TNFAIP8: variants seen among roughly 807,000 people sequenced by gnomAD.
The protein encoded by TNFAIP8 is tumor necrosis factor alpha-induced protein 8.
TNFAIP8 carries 7 observed loss-of-function variants against 13.3 expected under a neutral mutation model. That is an observed-to-expected ratio of 0.52 (90% CI 0.30 to 0.99). The LOEUF (loss-of-function observed/expected upper bound fraction) is 0.99, where lower values mean the gene tolerates loss of function less well. TNFAIP8 is among the 50% of genes least tolerant of loss of function. TNFAIP8 has a pLI of 0.07. For missense variants in TNFAIP8, 258 were observed against 236.9 expected (o/e 1.09, Z -0.58); for synonymous variants, 94 against 87.6 (o/e 1.07, Z -0.41).
At chr5:119,295,234 TA>T in intron 1 of TNFAIP8, among the ~76,000 whole-genome samples, 1 of 49,766 alleles carries the variant, frequency 2.0e-5, no homozygotes. Flanking sequence ...ACGTTAGACC[TA>T]TAGGTCTAAC....
intron 1 of TNFAIP8, among the ~76,000 whole-genome samples, chr5:119,384,387 G>T (rs1299626812): frequency 1.3e-5 from 2 of 152,134 alleles, no homozygotes; most frequent in African/African-American, 2.4e-5. Context: ...GGAGACTGAG[G>T]CAGGACAGTT....
In TNFAIP8 at chr5:119,397,749, C is replaced by T. The variant is rs549404277; in HGVS notation, c.*4368C>T. On this transcript the variant is annotated 3_prime_UTR_variant, in exon 2 of 2. Coordinates refer to ENST00000504771, the MANE Select transcript of TNFAIP8 (RefSeq NM_014350.4). Reference sequence around the variant, plus strand: ...GAAAACCTTTAACTACTTATAATCCCGTATAGTCACCATCACCACGAAGTA... The same window carrying T: ...GAAAACCTTTAACTACTTATAATCCTGTATAGTCACCATCACCACGAAGTA... 2.0e-5 allele frequency: 3 copies of T among 152,298 alleles called. No homozygotes were observed. Among genetic ancestry groups the T allele is most frequent in the South Asian group, 4.1e-4 (2 of 4,820 alleles). 9.4% of individuals were successfully genotyped at this position (152,298 alleles called of 1,614,324 possible).
At chr5:119,380,772 T>C (rs1752455464) in intron 1 of TNFAIP8, among the ~76,000 whole-genome samples, 1 of 152,246 alleles carries the variant, frequency 6.6e-6, no homozygotes, top group African/African-American at 2.4e-5. Context: ...GTTCAAACTT[T>C]GGTTTACAGT....
chr5:119,343,246 T>C (rs1225369553), intron 1 of TNFAIP8, among the ~76,000 whole-genome samples: 1 of 152,252 alleles, frequency 6.6e-6, no homozygotes, highest in Non-Finnish European at 1.5e-5. Context: ...CTCGGCACTC[T>C]GTTTATAAGG....
At chr5:119,292,580 C>T (rs1477970598) in intron 1 of TNFAIP8, among the ~76,000 whole-genome samples, 1 of 141,138 alleles carries the variant, frequency 7.1e-6, no homozygotes, top group African/African-American at 2.6e-5. Flanking sequence ...GAAGATTATA[C>T]ATAAGAGCCA....
At chr5:119,279,146 A>T (rs1387473185) in intron 1 of TNFAIP8, among the ~76,000 whole-genome samples, 2 of 152,214 alleles carry the variant, frequency 1.3e-5, no homozygotes, top group South Asian at 4.1e-4. Context: ...GAAAGATACT[A>T]TTGTTAAGCC....
intron 1 of TNFAIP8, among the ~76,000 whole-genome samples, chr5:119,327,243 G>A (rs1259346494): frequency 1.3e-5 from 2 of 152,152 alleles, no homozygotes; most frequent in Non-Finnish European, 2.9e-5. Flanking sequence ...GAGGCGGATG[G>A]GGGCGGATGT....
intron 1 of TNFAIP8, among the ~76,000 whole-genome samples, chr5:119,387,867 T>C (rs1273858845): frequency 7.9e-5 from 12 of 152,234 alleles, no homozygotes; most frequent in African/African-American, 2.7e-4. Context: ...AATGTGGTGG[T>C]AATGCTTTGT....
At chr5:119,337,175 A>T (rs1379197029) in intron 1 of TNFAIP8, among the ~76,000 whole-genome samples, 1 of 152,176 alleles carries the variant, frequency 6.6e-6, no homozygotes, top group Non-Finnish European at 1.5e-5. Context: ...CTCTTGCCTC[A>T]TTCTTTCCCT....
intron 1 of TNFAIP8, among the ~76,000 whole-genome samples, chr5:119,309,933 A>G (rs1010823437): frequency 6.6e-6 from 1 of 152,126 alleles, no homozygotes; most frequent in South Asian, 2.1e-4. Flanking sequence ...CTGTTTTCCC[A>G]CTGAAAATGG....
intron 1 of TNFAIP8, among the ~76,000 whole-genome samples, chr5:119,341,466 C>T (rs546776736): frequency 1.3e-5 from 2 of 152,226 alleles, no homozygotes; most frequent in African/African-American, 2.4e-5. Flanking sequence ...GGTCCCAAGG[C>T]TACCAGCTTA....
At chr5:119,387,686 T>G (rs2112855695) in intron 1 of TNFAIP8, among the ~76,000 whole-genome samples, 1 of 152,346 alleles carries the variant, frequency 6.6e-6, no homozygotes, top group African/African-American at 2.4e-5. Flanking sequence ...ATCTCTAACT[T>G]TATAATTTTG....
In TNFAIP8 at chr5:119,288,105, T is replaced by A. The variant is rs185441331; in HGVS notation, c.1+19198T>A. Among the ~76,000 whole-genome samples, 1,186 of 152,256 alleles carry A rather than the reference T, an allele frequency of 7.8e-3. 5 individuals are homozygous for A. The highest frequency in any genetic ancestry group is 0.013 in the Non-Finnish European group (853 of 68,016). ...AATGTATAAAGAAAAAACAGTAAGG[T>A]TATAGAGGTGTGTGTGAAAACATCT... On this transcript the variant is annotated intron_variant, in intron 1 of 1. Transcript: ENST00000274456.
At chr5:119,348,082 G>T (rs1581627057) in intron 1 of TNFAIP8, among the ~76,000 whole-genome samples, 1 of 152,128 alleles carries the variant, frequency 6.6e-6, no homozygotes, top group Non-Finnish European at 1.5e-5. Context: ...GTCAAGTAGG[G>T]CCCCTTACTC....
chr5:119,361,427 G>A (rs1751630963), intron 1 of TNFAIP8, among the ~76,000 whole-genome samples: 1 of 152,112 alleles, frequency 6.6e-6, no homozygotes, highest in Non-Finnish European at 1.5e-5. Flanking sequence ...TAGTTAAGCT[G>A]GTATTTATAT....
At chr5:119,334,545 G>T (rs1163719476) in intron 1 of TNFAIP8, among the ~76,000 whole-genome samples, 1 of 151,414 alleles carries the variant, frequency 6.6e-6, no homozygotes, top group African/African-American at 2.4e-5. Flanking sequence ...CTCTTGTATG[G>T]AATGTGGTCA....
intron 1 of TNFAIP8, among the ~76,000 whole-genome samples, chr5:119,376,983 C>T (rs1169370705): frequency 6.6e-6 from 1 of 152,118 alleles, no homozygotes; most frequent in Non-Finnish European, 1.5e-5. Context: ...TTCTTTTAGC[C>T]TATATTGCTG....
intron 1 of TNFAIP8, among the ~76,000 whole-genome samples, chr5:119,271,829 A>C (rs2150798187): frequency 6.6e-6 from 1 of 152,272 alleles, no homozygotes; most frequent in African/African-American, 2.4e-5. Flanking sequence ...TCCTGCATTT[A>C]ATACCAAATG....
At chr5:119,287,112 C>T (rs557938887) in intron 1 of TNFAIP8, among the ~76,000 whole-genome samples, 6 of 152,064 alleles carry the variant, frequency 3.9e-5, no homozygotes, top group Non-Finnish European at 7.4e-5. Context: ...CAGATGCTGC[C>T]TCCTCCAGGA....
Sources: allele counts gnomAD v4.1 joint callset (sites outside exome capture counted in the v4.1 genomes callset), GRCh38; gene constraint gnomAD v4.1.1; transcripts MANE v1.5; gene names NCBI Gene and HGNC (gene_info 2026-07-23, HGNC 2026-07-21).